ZNRF3: variants seen among roughly 807,000 people sequenced by gnomAD.
ZNRF3 encodes the protein zinc and ring finger 3.
Under a neutral mutation model 72.5 loss-of-function variants are expected in ZNRF3, and 23 were observed. That is an observed-to-expected ratio of 0.32 (90% CI 0.23 to 0.45). The LOEUF is 0.45. Among genes scored for constraint, ZNRF3 ranks in the 20% least tolerant of loss-of-function variants. ZNRF3 has a pLI of 1.00. For synonymous variants in ZNRF3, 610 were observed against 545.3 expected (o/e 1.12, Z -1.65); for missense variants, 1,169 against 1,272.1 (o/e 0.92, Z 1.23).
chr22:28,896,368 C>T (rs1205536006), intron 1 of ZNRF3, among the ~76,000 whole-genome samples: 3 of 151,670 alleles, frequency 2.0e-5, no homozygotes, highest in African/African-American at 7.3e-5. Context: ...CTCTTGACCT[C>T]GTGATCCGCC....
intron 2 of ZNRF3, among the ~76,000 whole-genome samples, chr22:28,995,487 C>G (rs1416027777): frequency 6.6e-6 from 1 of 152,074 alleles, no homozygotes; most frequent in Non-Finnish European, 1.5e-5. Flanking sequence ...TAGCCAGAAC[C>G]TGATATGTAC....
At chr22:28,930,359 G>T (rs946831259) in intron 1 of ZNRF3, among the ~76,000 whole-genome samples, 3 of 152,180 alleles carry the variant, frequency 2.0e-5, no homozygotes, top group African/African-American at 4.8e-5. Context: ...GTACTAGAGA[G>T]TAGTTTCCCA....
chr22:28,935,286 C>G (rs907368578), intron 1 of ZNRF3, among the ~76,000 whole-genome samples: 1 of 152,166 alleles, frequency 6.6e-6, no homozygotes, highest in Admixed American at 6.5e-5. Context: ...GTGTACCTGC[C>G]CTTTGCCCCT....
chr22:28,944,923 C>T (rs1234600187), intron 1 of ZNRF3, among the ~76,000 whole-genome samples: 2 of 115,808 alleles, frequency 1.7e-5, no homozygotes, highest in Non-Finnish European at 3.6e-5. Flanking sequence ...GAGACTCCGT[C>T]TCCAAATAAA....
intron 2 of ZNRF3, among the ~76,000 whole-genome samples, chr22:29,036,559 T>C (rs2036871446): frequency 6.6e-6 from 1 of 152,208 alleles, no homozygotes; most frequent in Admixed American, 6.5e-5. Context: ...CAAATTTGCC[T>C]GTATTGTCTG....
At chr22:28,968,818 G>T (rs2035520894) in intron 1 of ZNRF3, among the ~76,000 whole-genome samples, 1 of 152,102 alleles carries the variant, frequency 6.6e-6, no homozygotes, top group Non-Finnish European at 1.5e-5. Flanking sequence ...TTTTCTTTTG[G>T]TATTTTGGAA....
intron 1 of ZNRF3, among the ~76,000 whole-genome samples, chr22:28,894,211 G>A (rs2033949924): frequency 1.3e-5 from 2 of 151,628 alleles, no homozygotes; most frequent in Admixed American, 6.6e-5. Context: ...ACCCACCTTG[G>A]TCTCCCAAAG....
chr22:28,939,190 A>G (rs2034894772), intron 1 of ZNRF3, among the ~76,000 whole-genome samples: 1 of 150,744 alleles, frequency 6.6e-6, no homozygotes. Flanking sequence ...AGGCTGAGGC[A>G]GGATAATCTC....
At chr22:28,923,415 C>G (rs921872155) in intron 1 of ZNRF3, among the ~76,000 whole-genome samples, 1 of 152,166 alleles carries the variant, frequency 6.6e-6, no homozygotes, top group African/African-American at 2.4e-5. Flanking sequence ...TGTGATCTAC[C>G]CTCACACCCG....
chr22:28,957,329 C>T (rs189058179), intron 1 of ZNRF3, among the ~76,000 whole-genome samples: 7 of 152,338 alleles, frequency 4.6e-5, no homozygotes, highest in Admixed American at 3.9e-4. Flanking sequence ...GTGTCACTCA[C>T]AGCACCTGTC....
At chr22:29,003,364 A>T (rs2036185612) in intron 2 of ZNRF3, among the ~76,000 whole-genome samples, 1 of 151,946 alleles carries the variant, frequency 6.6e-6, no homozygotes, top group South Asian at 2.1e-4. Context: ...AAAAAAATAC[A>T]AAAAAATTAG....
At chr22:28,937,174 A>T (rs984428413) in intron 1 of ZNRF3, among the ~76,000 whole-genome samples, 2 of 78,736 alleles carry the variant, frequency 2.5e-5, no homozygotes, top group African/African-American at 1.3e-4. Flanking sequence ...TCTCTCTTAT[A>T]ATATATATAT....
At chr22:28,982,633 T>A (rs2035785991) in intron 1 of ZNRF3, among the ~76,000 whole-genome samples, 2 of 152,058 alleles carry the variant, frequency 1.3e-5, no homozygotes, top group Admixed American at 1.3e-4. Context: ...CTGTTTCACT[T>A]TTCCCATAAA....
chr22:28,948,235 G>T (rs1415655521), intron 1 of ZNRF3, among the ~76,000 whole-genome samples: 2 of 151,958 alleles, frequency 1.3e-5, no homozygotes, highest in African/African-American at 4.8e-5. Context: ...CACAATCATA[G>T]CTCCATGCAG....
chr22:29,005,234 C>T (rs2036220280), intron 2 of ZNRF3, among the ~76,000 whole-genome samples: 1 of 152,246 alleles, frequency 6.6e-6, no homozygotes, highest in South Asian at 2.1e-4. Flanking sequence ...CTGACCCTCA[C>T]TTGCCAGGAG....
chr22:28,998,535 A>G (rs753347437), intron 2 of ZNRF3, among the ~76,000 whole-genome samples: 3 of 152,212 alleles, frequency 2.0e-5, no homozygotes, highest in South Asian at 4.1e-4. Context: ...AGTAAAGGAA[A>G]TCAGATCAGA....
chr22:29,032,820 T>G (rs941930424), intron 2 of ZNRF3, among the ~76,000 whole-genome samples: 2 of 152,232 alleles, frequency 1.3e-5, no homozygotes, highest in Admixed American at 1.3e-4. Flanking sequence ...TGGCTGCCCT[T>G]TAGTGAAGGA....
intron 2 of ZNRF3, among the ~76,000 whole-genome samples, chr22:28,994,128 T>G (rs1249151219): frequency 6.7e-6 from 1 of 150,290 alleles, no homozygotes; most frequent in Non-Finnish European, 1.5e-5. Flanking sequence ...TTATTGTCCA[T>G]CTTCTCTTCC....
intron 2 of ZNRF3, among the ~76,000 whole-genome samples, chr22:29,033,368 A>T (rs911384063): frequency 1.5e-4 from 23 of 151,782 alleles, no homozygotes; most frequent in South Asian, 2.1e-4. Context: ...AAAAAAAAAA[A>T]AAAAGGCTCA....
Sources: gnomAD v4.1 joint callset for allele counts (sites outside exome capture counted in the v4.1 genomes callset) on GRCh38, gnomAD v4.1.1 for gene constraint, MANE v1.5 for transcripts, NCBI Gene and HGNC (gene_info 2026-07-23, HGNC 2026-07-21) for gene names.